The following PCDHGB1 variants were observed in gnomAD, a reference collection of about 807,000 sequenced individuals.
PCDHGB1 encodes protocadherin gamma-B1.
PCDHGB1 carries 34 observed loss-of-function variants against 56.6 expected under a neutral mutation model. That is an observed-to-expected ratio of 0.60 (90% confidence interval 0.46 to 0.80). PCDHGB1 has a LOEUF of 0.80. PCDHGB1 is among the 30% of genes least tolerant of loss of function. The probability of loss-of-function intolerance (pLI) is 0.00; values close to 1 mark genes in which losing one functional copy is unlikely to be tolerated. For synonymous variants in PCDHGB1, 561 were observed against 505.9 expected (o/e 1.11, Z -1.46); for missense variants, 1,278 against 1,204.6 (o/e 1.06, Z -0.90).
Position 141,431,740 on chromosome 5 carries a change from T to C in PCDHGB1, c.2410-63067T>C. 6.2e-7 allele frequency: 1 copy of C among 1,614,230 alleles called. No individual in the cohort carries two copies. Among genetic ancestry groups the C allele is most frequent in the South Asian group, 1.1e-5 (1 of 91,088 alleles). On this transcript the variant is annotated intron_variant, in intron 1 of 3. Transcript: ENST00000523390. This position sits in a 1 kb window ranked among gnomAD's most constrained non-coding sequence, Gnocchi z 4.8. ...TGCAAGCAATGGATAATGCAGGATA[T>C]TCTGCGCGAGCCAAAGTCCTGATCA... is the stretch of plus-strand genomic sequence containing the variant.
rs371319055 is a variant in PCDHGB1 at position 141,399,494 on chromosome 5, G to C, written c.2409+46825G>C. 328 of 1,614,032 alleles carry C rather than the reference G, an allele frequency of 2.0e-4. 1 individual carries two copies. The highest frequency in any genetic ancestry group is 1.7e-3 in the South Asian group (152 of 91,086). ...TTCCACCAGGCGTCCTACTTAGTCA[G>C]TGTACCCGAAAACAACCCTCCTGGG... is the stretch of plus-strand genomic sequence containing the variant. On this transcript the variant is annotated intron_variant, in intron 1 of 3. Coordinates refer to ENST00000523390, the MANE Select transcript of PCDHGB1 (RefSeq NM_018922.3).
At chr5:141,504,570 AC>A (rs1468526948) in intron 2 of PCDHGB1, among the ~76,000 whole-genome samples, 1 of 148,874 alleles carries the variant, frequency 6.7e-6, no homozygotes, top group Admixed American at 6.9e-5. Flanking sequence ...ATTCTAGGGA[AC>A]ACCATCTGCC....
intron 1 of PCDHGB1, chr5:141,410,816 A>G (rs2095424614): frequency 1.8e-6 from 1 of 550,516 alleles, no homozygotes; most frequent in African/African-American, 2.1e-5. Flanking sequence ...TTTGTAAAAT[A>G]ATGTCACCAG....
At position 141,352,444 on chromosome 5, in the gene PCDHGB1, C is replaced by G. The variant is rs562202552; in HGVS notation, c.2184C>G (p.Cys728Trp). Residue 728 changes from cysteine (C) to tryptophan (W), a missense_variant, in exon 1 of 4, where the codon TGC (cysteine) becomes TGG (tryptophan). Transcript: ENST00000523390. ...AGGGCTGCTTTCAAACCGGTCTCTGCTCCAAGTCTGGGCCCGGGGTTCCTC... is the reference window on the plus strand; with the variant it reads ...AGGGCTGCTTTCAAACCGGTCTCTGGTCCAAGTCTGGGCCCGGGGTTCCTC... The part of the protein sequence containing the change: ...DTEGCFQTGL[C>W]SKSGPGVPPN... 1 of 1,614,062 alleles carries G rather than the reference C, an allele frequency of 6.2e-7. No individual in the cohort carries two copies. The highest frequency in any genetic ancestry group is 1.1e-5 in the South Asian group (1 of 91,090).
At chr5:141,415,024 G>T in intron 1 of PCDHGB1, 1 of 1,613,568 alleles carries the variant, frequency 6.2e-7, no homozygotes, top group Non-Finnish European at 8.5e-7. Flanking sequence ...CAAGGCCAGC[G>T]AGCCGGGACT....
rs1370404445 is a variant in PCDHGB1 at position 141,352,228 on chromosome 5, G to A, written c.1968G>A (p.Leu656=). The A allele has an allele frequency of 6.2e-7, 1 of 1,614,098 alleles. No homozygotes were observed. The highest frequency in any genetic ancestry group is 1.7e-5 in the Admixed American group (1 of 60,034). ...GQPPLSATAT[L]HLIFADSLQE... The stretch of plus-strand genomic sequence containing the variant: ...CGCCACTCTCCGCCACCGCCACGCT[G>A]CACCTAATCTTCGCGGATAGCCTGC... The change falls in exon 1 of 4, where the codon CTG becomes CTA. Residue 656 remains leucine (L), a synonymous_variant. Coordinates refer to ENST00000523390, the MANE Select transcript of PCDHGB1 (RefSeq NM_018922.3).
At position 141,487,621 on chromosome 5, in the gene PCDHGB1, A is replaced by G; in HGVS notation, c.2410-7186A>G. The G allele has an allele frequency of 6.2e-7, 1 of 1,614,164 alleles. No individual in the cohort carries two copies. On this transcript the variant is annotated intron_variant, in intron 1 of 3. Transcript: ENST00000523390. This position sits in a 1 kb window ranked among gnomAD's most constrained non-coding sequence, Gnocchi z 5.0. ...ATCTTCTCTATGGGCTAGAGGTGAG[A>G]CCTTTGCAGGCTCAACAAATGCTTG... is the stretch of plus-strand genomic sequence containing the variant.
intron 1 of PCDHGB1, chr5:141,383,294 G>C: frequency 6.2e-7 from 1 of 1,613,938 alleles, no homozygotes; most frequent in Non-Finnish European, 8.5e-7. Flanking sequence ...AACGTTCCAA[G>C]ATTCTTGACG....
rs1440870321 is a variant in PCDHGB1, at chr5:141,352,214, G to A, written c.1954G>A (p.Ala652Thr). The A allele has an allele frequency of 3.1e-6, 5 of 1,613,928 alleles. No individual in the cohort carries two copies. Among genetic ancestry groups the A allele is most frequent in the East Asian group, 2.2e-5 (1 of 44,892 alleles). Residue 652 changes from alanine to threonine, a missense_variant, in exon 1 of 4, where the codon GCC (alanine) becomes ACC (threonine). Physicochemically the swap from Ala to Thr is moderately conservative, Grantham distance 58 (BLOSUM62 0). Transcript: ENST00000523390. ...VRDGGQPPLS[A>T]TATLHLIFAD... Reference sequence around the variant, plus strand: ...TGATGGAGGACAGCCGCCACTCTCCGCCACCGCCACGCTGCACCTAATCTT... The same window carrying A: ...TGATGGAGGACAGCCGCCACTCTCCACCACCGCCACGCTGCACCTAATCTT...
At chr5:141,427,997 A>C (rs1471083920) in intron 1 of PCDHGB1, 2 of 1,600,232 alleles carry the variant, frequency 1.2e-6, no homozygotes, top group African/African-American at 2.7e-5. Flanking sequence ...ATGGCTCCGC[A>C]CTCTTCGATA....
chr5:141,374,289 G>A, intron 1 of PCDHGB1: 1 of 1,614,016 alleles, frequency 6.2e-7, no homozygotes. Context: ...ATCGTCTCCA[G>A]AGGTAGGATG....
intron 1 of PCDHGB1, chr5:141,393,531 C>G (rs997965420): frequency 6.2e-7 from 1 of 1,614,008 alleles, no homozygotes; most frequent in Non-Finnish European, 8.5e-7. Context: ...TGACAATGCC[C>G]CGGTTTTTCC....
chr5:141,511,581 T>C lies in PCDHGB1; in HGVS notation c.*408T>C, dbSNP rs2099883862. ...TCTTTCCCGAGTAAGGTGGTTGGGG[T>C]GTTGAAGTACCAAGTAACCTACAAG... On this transcript the variant is annotated 3_prime_UTR_variant, in exon 4 of 4. Transcript: ENST00000523390. 1 of 281,638 alleles carries C rather than the reference T, an allele frequency of 3.6e-6. No homozygotes were observed. The highest frequency in any genetic ancestry group is 2.2e-5 in the African/African-American group (1 of 46,302). 17.4% of individuals were successfully genotyped at this position (281,638 alleles called of 1,614,324 possible). A position where few individuals can be genotyped will look rare whatever the true frequency, so the allele number is the denominator to read the frequency against.
At chr5:141,357,700 A>AC in intron 1 of PCDHGB1, 1 of 1,496,044 alleles carries the variant, frequency 6.7e-7, no homozygotes, top group Non-Finnish European at 9.0e-7. Context: ...TTTTATATGT[A>AC]ATATATCAAA....
chr5:141,357,757 G>A (rs932647509), intron 1 of PCDHGB1: 33 of 1,061,794 alleles, frequency 3.1e-5, no homozygotes, highest in Non-Finnish European at 4.0e-5. Flanking sequence ...AAAACTGGTG[G>A]ATGACCTTCC....
chr5:141,457,694 C>T (rs891323419), intron 1 of PCDHGB1, among the ~76,000 whole-genome samples: 4 of 152,214 alleles, frequency 2.6e-5, no homozygotes, highest in Non-Finnish European at 5.9e-5. Context: ...TTTGGATTGG[C>T]TTTGATGAAA....
At chr5:141,424,297 A>G (rs2096812591) in intron 1 of PCDHGB1, 1 of 152,466 alleles carries the variant, frequency 6.6e-6, no homozygotes, top group African/African-American at 2.4e-5. Flanking sequence ...TCTTCATCCT[A>G]TCAACACAGA....
intron 1 of PCDHGB1, chr5:141,357,369 C>A (rs370630847): frequency 1.1e-5 from 18 of 1,614,182 alleles, no homozygotes; most frequent in Non-Finnish European, 1.4e-5. Context: ...ACAAGTCACG[C>A]CTGCTTCACG....
At chr5:141,484,071 T>C (rs1405337642) in intron 1 of PCDHGB1, among the ~76,000 whole-genome samples, 1 of 152,144 alleles carries the variant, frequency 6.6e-6, no homozygotes, top group Non-Finnish European at 1.5e-5. Flanking sequence ...GTGAAAAGCT[T>C]GCTCTTTTGA....
Sources: gnomAD v4.1 joint callset for allele counts (sites outside exome capture counted in the v4.1 genomes callset) on GRCh38, gnomAD v4.1.1 for gene constraint, Gnocchi (gnomAD v3.1) non-coding constraint, MANE v1.5 for transcripts, NCBI Gene and HGNC (gene_info 2026-07-23, HGNC 2026-07-21) for gene names.